The following TRAK1 variants were observed in gnomAD, a reference collection of about 807,000 sequenced individuals.
TRAK1 encodes the protein trafficking kinesin-binding protein 1.
A neutral mutation model predicts 92.1 loss-of-function variants in TRAK1; 33 were observed. The observed-to-expected ratio is 0.36, with a 90% CI of 0.27 to 0.48. The LOEUF (loss-of-function observed/expected upper bound fraction) is 0.48. Ranked by LOEUF, TRAK1 falls within the 20% of genes least tolerant of loss-of-function variation. The pLI is 0.99. For synonymous variants in TRAK1, 521 were observed against 517.3 expected (o/e 1.01, Z -0.10); for missense variants, 1,123 against 1,257.9 (o/e 0.89, Z 1.62).
intron 2 of TRAK1, among the ~76,000 whole-genome samples, chr3:42,166,174 C>T (rs1701841342): frequency 6.6e-6 from 1 of 152,148 alleles, no homozygotes; most frequent in Non-Finnish European, 1.5e-5. Context: ...ATTGAGAGCT[C>T]CAACTTAGGG....
intron 13 of TRAK1, among the ~76,000 whole-genome samples, chr3:42,206,087 G>C (rs1376461659): frequency 2.0e-5 from 3 of 152,166 alleles, no homozygotes; most frequent in Admixed American, 1.3e-4. Context: ...GAAAGAAAGA[G>C]GTAACTTGGG....
chr3:42,113,399 TCTACCCCTACCC>T (rs1177127979), intron 1 of TRAK1, among the ~76,000 whole-genome samples: 1 of 22,062 alleles, frequency 4.5e-5, no homozygotes, highest in Non-Finnish European at 1.0e-4. Context: ...TACCCCTACC[TCTACCCCTACCC>T]CTACCCCTAC....
At chr3:42,093,649 C>CCCTT (rs1705432495) in intron 1 of TRAK1, among the ~76,000 whole-genome samples, 2 of 40,598 alleles carry the variant, frequency 4.9e-5, no homozygotes, top group African/African-American at 2.1e-4. Flanking sequence ...TCTTTTTTCT[C>CCCTT]CCCTTCCCTT....
At chr3:42,081,876 CTG>C (rs1377309802) in intron 1 of TRAK1, among the ~76,000 whole-genome samples, 1 of 152,174 alleles carries the variant, frequency 6.6e-6, no homozygotes, top group East Asian at 1.9e-4. Flanking sequence ...TAATTTATAA[CTG>C]TTTTTCTACG....
At chr3:42,162,483 T>C (rs1337304220) in intron 2 of TRAK1, among the ~76,000 whole-genome samples, 1 of 152,054 alleles carries the variant, frequency 6.6e-6, no homozygotes, top group Non-Finnish European at 1.5e-5. Flanking sequence ...TGTCCTGAAG[T>C]AGACGGCTTG....
intron 1 of TRAK1, among the ~76,000 whole-genome samples, chr3:42,015,689 ATAATAG>A: frequency 6.6e-6 from 1 of 152,356 alleles, no homozygotes; most frequent in South Asian, 2.1e-4. Context: ...AATAAAGCAT[ATAATAG>A]TAATTATTGT....
chr3:42,220,689 A>G, intron 15 of TRAK1: 1 of 806,262 alleles, frequency 1.2e-6, no homozygotes, highest in Non-Finnish European at 1.5e-6. Context: ...TTAGGCTTGG[A>G]TGTGTCTCTG....
rs187101209 is a variant in TRAK1, at chr3:42,144,131, A to G, written c.286+18517A>G. On this transcript the variant is annotated intron_variant, in intron 2 of 15. Coordinates refer to ENST00000327628, the MANE Select transcript of TRAK1 (RefSeq NM_001042646.3). The stretch of plus-strand genomic sequence containing the variant: ...CTCACCCCACCTGTCACTCCTGCTC[A>G]TTACTGTGAACTCAGTGCCTTTGAA... Among the ~76,000 whole-genome samples, 231 of 152,258 alleles carry G rather than the reference A, an allele frequency of 1.5e-3. 1 individual carries two copies. Among genetic ancestry groups the G allele is most frequent in the Admixed American group, 6.9e-3 (106 of 15,294 alleles).
chr3:42,218,531 A>AT lies in TRAK1; in HGVS notation c.1964-955dup, dbSNP rs1334982794. 8 of 980,508 alleles carry AT rather than the reference A, an allele frequency of 8.2e-6. No homozygotes were observed. In the East Asian group the frequency reaches 6.9e-4, roughly 84 times the overall value. The allele number at this position is 980,508 out of a possible 1,614,324, so 60.7% of individuals were successfully genotyped here. On this transcript the variant is annotated intron_variant, in intron 14 of 15. Transcript: ENST00000327628. ...CATCTTTTTTTTTTATTTTATTATT[A>AT]TTTTTTTTCCTGATGCTTGAGTTAT...
chr3:42,149,595 G>A (rs1029918194), intron 2 of TRAK1: 33 of 1,535,946 alleles, frequency 2.1e-5, no homozygotes, highest in African/African-American at 2.7e-5. Flanking sequence ...AAGAATGCTC[G>A]GATGGTAATT....
chr3:42,158,400 T>C (rs1427245003), intron 2 of TRAK1, among the ~76,000 whole-genome samples: 1 of 152,174 alleles, frequency 6.6e-6, no homozygotes, highest in Non-Finnish European at 1.5e-5. Flanking sequence ...AGAATAACCA[T>C]TTGTGTCATT....
intron 2 of TRAK1, among the ~76,000 whole-genome samples, chr3:42,165,570 G>A (rs1049561122): frequency 1.3e-5 from 2 of 152,220 alleles, no homozygotes; most frequent in Non-Finnish European, 2.9e-5. Context: ...GGAGGTGGTT[G>A]TGATGCGTCA....
intron 1 of TRAK1, among the ~76,000 whole-genome samples, chr3:42,123,404 G>A (rs1039426147): frequency 6.6e-6 from 1 of 152,332 alleles, no homozygotes; most frequent in South Asian, 2.1e-4. Flanking sequence ...TCCTGCTTTG[G>A]TTCTGCAGTG....
At position 42,205,200 on chromosome 3, in the gene TRAK1, T is replaced by A. The variant is rs1486740289; in HGVS notation, c.1744+2448T>A. ...TGTTGGCTTCCCAAGCTTGCTCCAA[T>A]CCAGGTCTGTAGGGCTGAGTTACTA... is the stretch of plus-strand genomic sequence containing the variant. On this transcript the variant is annotated intron_variant, in intron 13 of 15. Transcript: ENST00000327628. Among the ~76,000 whole-genome samples the A allele has an allele frequency of 2.6e-5, 4 of 152,198 alleles. No individual in the cohort carries two copies. In the South Asian group the frequency reaches 8.3e-4, roughly 32 times the overall value.
rs1350662635 is a variant in TRAK1 at position 42,093,647 on chromosome 3, C to CCCT, written c.91+2087_91+2088insCCT. On this transcript the variant is annotated intron_variant, in intron 1 of 15. Transcript: ENST00000327628. ...CCCTCTCTTCTCTCTTCTCTTTTTTCTCCCCTTCCCTTCCCTTCCCTCCCC... is the reference window on the plus strand; with the variant it reads ...CCCTCTCTTCTCTCTTCTCTTTTTTCCCTTCCCCTTCCCTTCCCTTCCCTCCCC... Among the ~76,000 whole-genome samples the CCCT allele has an allele frequency of 6.0e-4, 41 of 68,292 alleles. 1 individual carries two copies. The highest frequency in any genetic ancestry group is 1.9e-3 in the African/African-American group (36 of 18,866). The allele number at this position is 68,292 out of a possible 152,430, so 44.8% of individuals were successfully genotyped here.
chr3:42,213,361 G>A (rs937788921), intron 14 of TRAK1, among the ~76,000 whole-genome samples: 1 of 152,166 alleles, frequency 6.6e-6, no homozygotes, highest in African/African-American at 2.4e-5. Flanking sequence ...CTGGCCTAGA[G>A]CTGAGATCTT....
At chr3:42,105,627 T>A (rs1707429993) in intron 1 of TRAK1, among the ~76,000 whole-genome samples, 1 of 152,274 alleles carries the variant, frequency 6.6e-6, no homozygotes, top group Admixed American at 6.5e-5. Flanking sequence ...TTCCCCAACC[T>A]AGCGAGGCAG....
intron 1 of TRAK1, among the ~76,000 whole-genome samples, chr3:42,122,895 C>T (rs762933419): frequency 2.6e-5 from 4 of 152,128 alleles, no homozygotes; most frequent in Non-Finnish European, 2.9e-5. Flanking sequence ...TGTGACATTT[C>T]CCCCATGAGG....
chr3:42,189,130 G>A lies in TRAK1; in HGVS notation c.690+6G>A. ...ATGTTGTACTTCGATCCGAGGTGAT[G>A]TGCCCTCCCTTCTCTTGCCCCTGCT... On this transcript the variant is annotated splice_donor_region_variant and intron_variant, in intron 6 of 15. Transcript: ENST00000327628. 1 of 1,604,666 alleles carries A rather than the reference G, an allele frequency of 6.2e-7. No individual in the cohort carries two copies. The highest frequency in any genetic ancestry group is 1.3e-5 in the African/African-American group (1 of 74,866).
Sources: gnomAD v4.1 joint callset for allele counts (sites outside exome capture counted in the v4.1 genomes callset) on GRCh38, gnomAD v4.1.1 for gene constraint, MANE v1.5 for transcripts, NCBI Gene and HGNC (gene_info 2026-07-23, HGNC 2026-07-21) for gene names.